SUPT16H: variants seen among roughly 807,000 people sequenced by gnomAD.
The protein encoded by SUPT16H is FACT complex subunit SPT16.
SUPT16H carries 24 observed loss-of-function variants against 136.2 expected under a neutral mutation model. The ratio of observed to expected loss-of-function variants is 0.18; its 90% confidence interval spans 0.13 to 0.25. SUPT16H has a LOEUF of 0.25. SUPT16H is among the 10% of genes least tolerant of loss of function. The pLI, the probability that SUPT16H is intolerant of heterozygous loss-of-function variation, is 1.00. For synonymous variants in SUPT16H, 415 were observed against 428.2 expected (o/e 0.97, Z 0.38); for missense variants, 623 against 1,270.2 (o/e 0.49, Z 7.74).
In SUPT16H at chr14:21,363,764, C is replaced by T. The variant is rs560036370; in HGVS notation, c.1234-261G>A. Among the ~76,000 whole-genome samples the T allele has an allele frequency of 4.6e-5, 7 of 152,204 alleles. No individual in the cohort carries two copies. The East Asian group carries it at 7.7e-4, about 17-fold the overall frequency. On this transcript the variant is annotated intron_variant, in intron 10 of 25. Coordinates refer to ENST00000216297, the MANE Select transcript of SUPT16H (RefSeq NM_007192.4). ...CGTGACCTCAGCTCACTGCAACCTC[C>T]GCCTCCCGGATTCAAGTGATTCTCC...
chr14:21,359,433 G>C (rs375023857), intron 19 of SUPT16H, 51 bp downstream of exon 19: 220 of 1,596,354 alleles, frequency 1.4e-4, no homozygotes, highest in Non-Finnish European at 1.5e-4. Flanking sequence ...GCTTGGATTT[G>C]GCCTCATCCT....
At chr14:21,368,553 T>C (rs571030416) in intron 6 of SUPT16H, 112 bp from the exon 7 acceptor site, 1 of 1,212,040 alleles carries the variant, frequency 8.3e-7, no homozygotes, top group African/African-American at 1.6e-5. Flanking sequence ...ATCCCAAAGC[T>C]GTGGCTGAAT....
chr14:21,381,969 TAA>T (rs1887036487), intron 1 of SUPT16H, among the ~76,000 whole-genome samples: 1 of 152,034 alleles, frequency 6.6e-6, no homozygotes, highest in African/African-American at 2.4e-5. Flanking sequence ...GGAAAAGGTG[TAA>T]AAGAGAAAAG....
chr14:21,370,570 ATTC>A, intron 3 of SUPT16H, 82 bp from the exon 4 acceptor site: 2 of 1,438,464 alleles, frequency 1.4e-6, no homozygotes, highest in Non-Finnish European at 1.9e-6. Context: ...GTAGAATAAT[ATTC>A]TAAACTACGG....
chr14:21,363,079 G>A lies in SUPT16H; in HGVS notation c.1466C>T (p.Ala489Val). The change falls in exon 13 of 26, where the codon GCA becomes GTA. Residue 489 changes from alanine (A) to valine (V), a missense_variant. By Grantham distance (64) the Ala-to-Val change is moderately conservative (BLOSUM62 0). Around this residue, in one of 7 missense-constraint regions of SUPT16H, gnomAD observed 30 missense variants for 44.8 expected, o/e 0.67. Transcript: ENST00000216297. ...CTTTTGTTCAGTCAATCGCCTCTTT[G>A]CTTCTTCATTGAGTTGAGCCGCTAG... ...KELAAQLNEE[A>V]KRRLTEQKGE... 6.2e-7 allele frequency: 1 copy of A among 1,613,806 alleles called. No individual in the cohort carries two copies. Among genetic ancestry groups the A allele is most frequent in the Non-Finnish European group, 8.5e-7 (1 of 1,180,012 alleles).
At position 21,353,475 on chromosome 14, in the gene SUPT16H, C is replaced by T; in HGVS notation, c.2998+13G>A. The T allele has an allele frequency of 1.2e-6, 2 of 1,611,332 alleles. No individual in the cohort carries two copies. Among genetic ancestry groups the T allele is most frequent in the Non-Finnish European group, 8.5e-7 (1 of 1,179,270 alleles). On this transcript the variant is annotated intron_variant, in intron 25 of 25. Coordinates refer to ENST00000216297, the MANE Select transcript of SUPT16H (RefSeq NM_007192.4). Reference sequence around the variant, plus strand: ...GTAGACAAATGAATAAAAAACAACACATTTTTAAAAACCTTTTCGGGCTTC... The same window carrying T: ...GTAGACAAATGAATAAAAAACAACATATTTTTAAAAACCTTTTCGGGCTTC...
chr14:21,352,742 G>A lies in SUPT16H; in HGVS notation c.3075C>T (p.His1025=). The A allele has an allele frequency of 1.9e-6, 3 of 1,614,058 alleles. No homozygotes were observed. Among genetic ancestry groups the A allele is most frequent in the Non-Finnish European group, 2.5e-6 (3 of 1,180,004 alleles). Residue 1025 remains histidine (H), a synonymous_variant, in exon 26 of 26, where the codon CAC becomes CAT. Coordinates refer to ENST00000216297, the MANE Select transcript of SUPT16H (RefSeq NM_007192.4). The part of the protein sequence containing the change: ...SMSRKRKASV[H]SSGRGSNRGS... ...CACGGTTAGAGCCACGGCCCGAACTGTGCACAGATGCCTTCCTCTTCCGGC... is the reference window on the plus strand; with the variant it reads ...CACGGTTAGAGCCACGGCCCGAACTATGCACAGATGCCTTCCTCTTCCGGC...
At chr14:21,353,304 T>C (rs1383823525) in intron 25 of SUPT16H, among the ~76,000 whole-genome samples, 184 bp downstream of exon 25, 1 of 152,228 alleles carries the variant, frequency 6.6e-6, no homozygotes, top group African/African-American at 2.4e-5. Flanking sequence ...CTGGAGAGTA[T>C]GGACACATTC....
Position 21,354,302 on chromosome 14 carries a change from C to T in SUPT16H, c.2790+109G>A, listed in dbSNP as rs1886382416. The T allele has an allele frequency of 2.3e-6, 3 of 1,324,726 alleles. No individual in the cohort carries two copies. In the Admixed American group the frequency reaches 8.0e-5, roughly 35 times the overall value. The allele number at this position is 1,324,726 out of a possible 1,614,324, so 82.1% of individuals were successfully genotyped here. On this transcript the variant is annotated intron_variant, in intron 23 of 25. Coordinates refer to ENST00000216297, the MANE Select transcript of SUPT16H (RefSeq NM_007192.4). ...CAATAATATCAAGTGGTGTTTAGAG[C>T]TTCTCCCAGATGGCCTAGTCCCTTA...
At chr14:21,375,486 A>AAGTCCCTTAT (rs2139416721) in intron 1 of SUPT16H, among the ~76,000 whole-genome samples, 1 of 152,134 alleles carries the variant, frequency 6.6e-6, no homozygotes, top group African/African-American at 2.4e-5. Flanking sequence ...TATTCTAGAC[A>AAGTCCCTTAT]CAGGATCTGC....
At chr14:21,379,752 C>T (rs1886981279) in intron 1 of SUPT16H, among the ~76,000 whole-genome samples, 1 of 152,026 alleles carries the variant, frequency 6.6e-6, no homozygotes, top group African/African-American at 2.4e-5. Flanking sequence ...AGTGTTGTGG[C>T]ATGCACCTGT....
intron 5 of SUPT16H, 166 bp downstream of exon 5, chr14:21,369,584 A>G: frequency 3.9e-6 from 4 of 1,030,834 alleles, no homozygotes; most frequent in Non-Finnish European, 5.6e-6. Flanking sequence ...TCAAGAAAAC[A>G]TAACGCAGGC....
intron 1 of SUPT16H, chr14:21,383,621 A>C: frequency 2.8e-6 from 2 of 705,102 alleles, no homozygotes; most frequent in Non-Finnish European, 2.6e-6. Flanking sequence ...GCTGCTATGC[A>C]TGACCAAGGC....
At position 21,370,450 on chromosome 14, in the gene SUPT16H, T is replaced by G; in HGVS notation, c.369A>C (p.Glu123Asp). The G allele has an allele frequency of 6.2e-7, 1 of 1,614,150 alleles. No individual in the cohort carries two copies. Among genetic ancestry groups the G allele is most frequent in the Non-Finnish European group, 8.5e-7 (1 of 1,180,010 alleles). ...TGCCATTCTTGCTTTCTTTAATGGC[T>G]TCAATCATTTTGTCAAAGCTACTCT... ...SNKSSFDKMIEAIKESKNGKK... is the reference protein window; with the variant it reads ...SNKSSFDKMIDAIKESKNGKK... The change falls in exon 4 of 26, where the codon GAA becomes GAC. Residue 123 changes from glutamate to aspartate, a missense_variant. Coordinates refer to ENST00000216297, the MANE Select transcript of SUPT16H (RefSeq NM_007192.4).
At chr14:21,383,561 AGGAG>A in intron 1 of SUPT16H, 2 of 687,108 alleles carry the variant, frequency 2.9e-6, no homozygotes, top group Non-Finnish European at 5.3e-6. Flanking sequence ...ACCACGGAGT[AGGAG>A]GGAAGGATGT....
At chr14:21,372,523 A>T (rs1299822390) in intron 2 of SUPT16H, 3 of 324,028 alleles carry the variant, frequency 9.3e-6, no homozygotes, top group Admixed American at 4.8e-5. Flanking sequence ...ATAGGTAAAA[A>T]ATGGTAGTGT....
chr14:21,352,920 C>T, intron 25 of SUPT16H, 102 bp from the exon 26 acceptor site: 2 of 1,495,824 alleles, frequency 1.3e-6, no homozygotes, highest in Non-Finnish European at 1.8e-6. Context: ...TGGAATCAGA[C>T]CCAAGTTTTA....
intron 7 of SUPT16H, 102 bp downstream of exon 7, chr14:21,368,167 C>T: frequency 8.2e-7 from 1 of 1,217,414 alleles, no homozygotes; most frequent in South Asian, 1.5e-5. Context: ...GATCCTCCTG[C>T]CTCGGCCTCC....
chr14:21,383,537 G>A, intron 1 of SUPT16H: 1 of 662,636 alleles, frequency 1.5e-6, no homozygotes, highest in African/African-American at 1.8e-5. Flanking sequence ...GGCAGGGGAG[G>A]GCAGCAAGAC....
Sources: allele counts gnomAD v4.1 joint callset (sites outside exome capture counted in the v4.1 genomes callset), GRCh38; gene constraint gnomAD v4.1.1; regional missense constraint gnomAD v4.1.1; transcripts MANE v1.5; gene names NCBI Gene and HGNC (gene_info 2026-07-23, HGNC 2026-07-21).